The following TRDMT1 variants were observed in gnomAD, a reference collection of about 807,000 sequenced individuals.
The protein encoded by TRDMT1 is tRNA (cytosine(38)-C(5))-methyltransferase.
TRDMT1 carries 49 observed loss-of-function variants against 51.2 expected under a neutral mutation model. That is an observed-to-expected ratio of 0.96 (90% CI 0.76 to 1.21). The LOEUF is 1.21. Ranked by LOEUF, TRDMT1 falls within the 50% of genes most tolerant of loss-of-function variation. TRDMT1 has a pLI of 0.00. For synonymous variants in TRDMT1, 187 were observed against 164.6 expected (o/e 1.14, Z -1.04); for missense variants, 534 against 462.3 (o/e 1.16, Z -1.42).
In TRDMT1 at chr10:17,157,792, T is replaced by G. The variant is rs1188232696; in HGVS notation, c.544-8A>C. The G allele has an allele frequency of 1.3e-6, 2 of 1,528,596 alleles. No individual in the cohort carries two copies. The highest frequency in any genetic ancestry group is 1.8e-6 in the Non-Finnish European group (2 of 1,138,124). 94.7% of individuals were successfully genotyped at this position (1,528,596 alleles called of 1,614,324 possible). ...GGGGAACTCCATCAGTACCTGGCAT[T>G]ACATAAAAATACACAAATTGTCAAA... On this transcript the variant is annotated splice_polypyrimidine_tract_variant and splice_region_variant and intron_variant, in intron 7 of 10. Transcript: ENST00000377799.
chr10:17,168,533 G>C (rs528336034), intron 3 of TRDMT1, among the ~76,000 whole-genome samples: 1 of 152,062 alleles, frequency 6.6e-6, no homozygotes, highest in Non-Finnish European at 1.5e-5. Context: ...GTTGTGGGAC[G>C]GACCCGGTGG....
intron 1 of TRDMT1, among the ~76,000 whole-genome samples, chr10:17,182,029 G>T (rs1451390598): frequency 6.6e-6 from 1 of 152,130 alleles, no homozygotes; most frequent in Non-Finnish European, 1.5e-5. Context: ...TAGCCAGACC[G>T]GTTTCAGGAT....
chr10:17,168,831 T>A lies in TRDMT1; in HGVS notation c.251+10A>T. On this transcript the variant is annotated intron_variant, in intron 3 of 10. Coordinates refer to ENST00000377799, the MANE Select transcript of TRDMT1 (RefSeq NM_004412.7). Reference sequence around the variant, plus strand: ...GACCAATACAACACTGAAATATTTATGACACATACCTTGTGAATGGCTGGC... The same window carrying A: ...GACCAATACAACACTGAAATATTTAAGACACATACCTTGTGAATGGCTGGC... The A allele has an allele frequency of 6.3e-7, 1 of 1,591,856 alleles. No homozygotes were observed. Among genetic ancestry groups the A allele is most frequent in the Non-Finnish European group, 8.6e-7 (1 of 1,162,444 alleles).
intron 9 of TRDMT1, 102 bp from the exon 10 acceptor site, chr10:17,153,738 T>C (rs1839107483): frequency 2.4e-6 from 3 of 1,263,906 alleles, no homozygotes; most frequent in East Asian, 5.0e-5. Flanking sequence ...CAGTCTGCTG[T>C]AACACACAGT....
intron 1 of TRDMT1, among the ~76,000 whole-genome samples, chr10:17,191,487 A>G (rs1844672639): frequency 6.6e-6 from 1 of 152,202 alleles, no homozygotes; most frequent in Admixed American, 6.5e-5. Flanking sequence ...GAGTTAGGGC[A>G]GTGAGGCAGA....
intron 1 of TRDMT1, among the ~76,000 whole-genome samples, chr10:17,199,420 A>G (rs1845865497): frequency 6.6e-6 from 1 of 152,218 alleles, no homozygotes; most frequent in African/African-American, 2.4e-5. Context: ...GGATGAGGCA[A>G]CAGCAAAAGC....
In TRDMT1 at chr10:17,160,392, AAAC is replaced by A; in HGVS notation, c.390-21_390-19del. ...AGAGGTCTCTAAAAAGAAAAAAAAA[AAAC>A]TTTAATTCTTACTTGGAAAGGCAGT... is the stretch of plus-strand genomic sequence containing the variant. On this transcript the variant is annotated intron_variant, in intron 5 of 10. Transcript: ENST00000377799. 3 of 1,472,250 alleles carry A rather than the reference AAAC, an allele frequency of 2.0e-6. No individual in the cohort carries two copies. The highest frequency in any genetic ancestry group is 2.7e-6 in the Non-Finnish European group (3 of 1,097,730). The allele number at this position is 1,472,250 out of a possible 1,614,324, so 91.2% of individuals were successfully genotyped here. A position where few individuals can be genotyped will look rare whatever the true frequency, so the allele number is the denominator to read the frequency against.
At chr10:17,187,957 T>G (rs190506705) in intron 1 of TRDMT1, among the ~76,000 whole-genome samples, 67 of 152,086 alleles carry the variant, frequency 4.4e-4, no homozygotes, top group Non-Finnish European at 8.4e-4. Context: ...GACTTCATAT[T>G]GTATAATTTA....
At chr10:17,151,675 C>A in intron 10 of TRDMT1, 2 of 945,526 alleles carry the variant, frequency 2.1e-6, no homozygotes, top group Non-Finnish European at 2.5e-6. Context: ...TTGAAAAATT[C>A]TATTTCACCA....
At chr10:17,157,410 G>T in intron 8 of TRDMT1, 31 bp downstream of exon 8, 1 of 1,490,222 alleles carries the variant, frequency 6.7e-7, no homozygotes, top group Non-Finnish European at 9.0e-7. Flanking sequence ...GGTTATTTTG[G>T]ATACAGGATC....
At position 17,143,737 on chromosome 10, in the gene TRDMT1, G is replaced by T; in HGVS notation, c.*5303C>A. 1.0e-6 allele frequency: 1 copy of T among 985,426 alleles called. No homozygotes were observed. Among genetic ancestry groups the T allele is most frequent in the South Asian group, 4.7e-5 (1 of 21,284 alleles). 61.0% of individuals were successfully genotyped at this position (985,426 alleles called of 1,614,324 possible). ...ATGATCGTTCAGAGGCCTGCCTTAG[G>T]AAGGCCATTTTAACAGAAGCTGACC... On this transcript the variant is annotated 3_prime_UTR_variant, in exon 11 of 11. Coordinates refer to ENST00000377799, the MANE Select transcript of TRDMT1 (RefSeq NM_004412.7).
chr10:17,151,638 G>C, intron 10 of TRDMT1: 1 of 974,752 alleles, frequency 1.0e-6, no homozygotes, highest in Non-Finnish European at 1.2e-6. Flanking sequence ...GTTTTTCTAA[G>C]TATTATACAT....
chr10:17,194,857 C>T (rs550468877), intron 1 of TRDMT1, among the ~76,000 whole-genome samples: 1 of 135,412 alleles, frequency 7.4e-6, no homozygotes, highest in African/African-American at 2.7e-5. Flanking sequence ...AGCTTGAACC[C>T]GGGAGGCAGA....
chr10:17,166,807 C>G lies in TRDMT1; in HGVS notation c.251+2034G>C, dbSNP rs555355048. ...GGGAGTAGGAAAGCTACGGGGCCCTCTGCAGTATTACCTGAGGCTTCACAG... is the reference window on the plus strand; with the variant it reads ...GGGAGTAGGAAAGCTACGGGGCCCTGTGCAGTATTACCTGAGGCTTCACAG... On this transcript the variant is annotated intron_variant, in intron 3 of 10. Transcript: ENST00000377799. Among the ~76,000 whole-genome samples, 226 of 152,324 alleles carry G rather than the reference C, an allele frequency of 1.5e-3. 1 individual carries two copies. The highest frequency in any genetic ancestry group is 5.2e-3 in the African/African-American group (218 of 41,580).
Position 17,147,198 on chromosome 10 carries a change from C to T in TRDMT1, c.*1842G>A, listed in dbSNP as rs1415392711. ...ATATTTCAGCAGTGAACAGAACCTA[C>T]ATGAAAGTGTGCCAAAATAATTTGT... On this transcript the variant is annotated 3_prime_UTR_variant, in exon 11 of 11. Transcript: ENST00000377799. 1 of 985,818 alleles carries T rather than the reference C, an allele frequency of 1.0e-6. No homozygotes were observed. Among genetic ancestry groups the T allele is most frequent in the Non-Finnish European group, 1.2e-6 (1 of 829,916 alleles). The allele number at this position is 985,818 out of a possible 1,614,324, so 61.1% of individuals were successfully genotyped here. A position where few individuals can be genotyped will look rare whatever the true frequency, so the allele number is the denominator to read the frequency against.
rs762526907 is a variant in TRDMT1, at chr10:17,154,699, AAC to A, written c.921_922del (p.Leu308ThrfsTer9). The stretch of plus-strand genomic sequence containing the variant: ...TACCTGCACATCCTCTGCAGTCTGT[AAC>A]ACAGACCCTGTCCCTTCTATGTAGC... On this transcript the variant is annotated frameshift_variant, in exon 9 of 11. Coordinates refer to ENST00000377799, the MANE Select transcript of TRDMT1 (RefSeq NM_004412.7). LOFTEE classifies it high-confidence loss of function. 1 of 1,605,578 alleles carries A rather than the reference AAC, an allele frequency of 6.2e-7. No individual in the cohort carries two copies. Among genetic ancestry groups the A allele is most frequent in the Non-Finnish European group, 8.5e-7 (1 of 1,176,388 alleles).
In TRDMT1 at chr10:17,141,571, G is replaced by A. The variant is rs753663256; in HGVS notation, c.*7469C>T. ...CTTCTGGCACCCCAAACATATAAAT[G>A]TTGGTTCTTCTGTTATTGTCCCACA... On this transcript the variant is annotated 3_prime_UTR_variant, in exon 11 of 11. Transcript: ENST00000377799. Among the ~76,000 whole-genome samples, 12 of 152,002 alleles carry A rather than the reference G, an allele frequency of 7.9e-5. No homozygotes were observed. Among genetic ancestry groups the A allele is most frequent in the Non-Finnish European group, 1.2e-4 (8 of 67,992 alleles).
intron 1 of TRDMT1, among the ~76,000 whole-genome samples, chr10:17,191,819 C>G (rs985254198): frequency 2.6e-4 from 39 of 152,140 alleles, no homozygotes; most frequent in Admixed American, 1.1e-3. Flanking sequence ...GACTCCCCAC[C>G]TCCCTGCTAC....
At position 17,145,142 on chromosome 10, in the gene TRDMT1, G is replaced by C. The variant is rs1041882739; in HGVS notation, c.*3898C>G. ...TGCGCCTGTAATCCCAGCTACTAGG[G>C]AGGCTGAGGCAGGAAAATCACTTTA... On this transcript the variant is annotated 3_prime_UTR_variant, in exon 11 of 11. Coordinates refer to ENST00000377799, the MANE Select transcript of TRDMT1 (RefSeq NM_004412.7). The C allele has an allele frequency of 1.7e-6, 1 of 589,156 alleles. No individual in the cohort carries two copies. The allele number at this position is 589,156 out of a possible 1,614,324, so 36.5% of individuals were successfully genotyped here. A position where few individuals can be genotyped will look rare whatever the true frequency, so the allele number is the denominator to read the frequency against.
Sources: allele counts gnomAD v4.1 joint callset (sites outside exome capture counted in the v4.1 genomes callset), GRCh38; gene constraint gnomAD v4.1.1; transcripts MANE v1.5; gene names NCBI Gene and HGNC (gene_info 2026-07-23, HGNC 2026-07-21).